Variants in ASAP2 observed in about 807,000 individuals in gnomAD.
ASAP2 encodes ArfGAP with SH3 domain, ankyrin repeat and PH domain 2.
Under a neutral mutation model 131.4 loss-of-function variants are expected in ASAP2, and 45 were observed. The ratio of observed to expected loss-of-function variants is 0.34; its 90% CI spans 0.27 to 0.44. The LOEUF (loss-of-function observed/expected upper bound fraction) is 0.44, where lower values mean the gene tolerates loss of function less well. Ranked by LOEUF, ASAP2 falls within the 20% of genes least tolerant of loss-of-function variation. The pLI is 1.00. For synonymous variants in ASAP2, 510 were observed against 503.0 expected (o/e 1.01, Z -0.19); for missense variants, 1,011 against 1,297.0 (o/e 0.78, Z 3.39).
chr2:9,398,394 C>G (rs1676356498), intron 24 of ASAP2, among the ~76,000 whole-genome samples: 1 of 151,876 alleles, frequency 6.6e-6, no homozygotes, highest in African/African-American at 2.4e-5. Context: ...ACCTGTAGTC[C>G]CAACTACTCA....
chr2:9,314,111 G>A (rs1186447399), intron 3 of ASAP2, among the ~76,000 whole-genome samples: 1 of 152,132 alleles, frequency 6.6e-6, no homozygotes, highest in East Asian at 1.9e-4. Context: ...AGCCTCCCGA[G>A]TAGCTAGGAT....
intron 1 of ASAP2, among the ~76,000 whole-genome samples, chr2:9,210,773 CGATGG>C (rs1313946413): frequency 6.6e-5 from 10 of 151,970 alleles, no homozygotes; most frequent in East Asian, 3.9e-4. Context: ...CCAGGATGGT[CGATGG>C]TCTAGATCTC....
Position 9,402,524 on chromosome 2 carries a change from C to T in ASAP2, c.2947-729C>T, listed in dbSNP as rs1676822351. On this transcript the variant is annotated intron_variant, in intron 27 of 27. Transcript: ENST00000281419. ...GTAATCCCAGCTACTCGGGAACCAG[C>T]CAGCTCCCACAGTTGCCCACAACCC... 2.0e-5 allele frequency among the ~76,000 whole-genome samples: 3 copies of T among 152,226 alleles called. No homozygotes were observed. In the South Asian group the frequency reaches 6.2e-4, roughly 32 times the overall value.
At chr2:9,361,974 CGTGTGTGTGTGTGTGTGTGT>C (rs70948815) in intron 15 of ASAP2, among the ~76,000 whole-genome samples, 2 of 143,172 alleles carry the variant, frequency 1.4e-5, no homozygotes, top group Admixed American at 7.0e-5. Flanking sequence ...TCTTTCTCTG[CGTGTGTGTGTGTGTGTGTGT>C]GTGTGTGTGT....
intron 1 of ASAP2, among the ~76,000 whole-genome samples, chr2:9,259,102 G>A (rs908364003): frequency 6.6e-6 from 1 of 152,240 alleles, no homozygotes; most frequent in African/African-American, 2.4e-5. Flanking sequence ...CGGAGGTTCA[G>A]CCTCTTCCCC....
chr2:9,380,925 C>A, intron 20 of ASAP2, 117 bp downstream of exon 20: 1 of 1,124,250 alleles, frequency 8.9e-7, no homozygotes, highest in Non-Finnish European at 1.3e-6. Context: ...CTCAGTGTTT[C>A]TGATGGGATG....
At chr2:9,334,990 C>T in intron 8 of ASAP2, 103 bp from the exon 9 acceptor site, 7 of 1,367,068 alleles carry the variant, frequency 5.1e-6, no homozygotes, top group Non-Finnish European at 7.2e-6. Flanking sequence ...GCGAGGGAGG[C>T]AGTTGTCGCA....
chr2:9,402,483 G>A (rs1185165278), intron 27 of ASAP2, among the ~76,000 whole-genome samples: 1 of 152,166 alleles, frequency 6.6e-6, no homozygotes, highest in Non-Finnish European at 1.5e-5. Context: ...TTAGCTAGGT[G>A]TGGTGGCAGG....
intron 1 of ASAP2, chr2:9,271,569 A>G (rs1666398555): frequency 6.5e-7 from 1 of 1,536,232 alleles, no homozygotes; most frequent in Non-Finnish European, 9.0e-7. Context: ...GAAGCAGGTC[A>G]TCACCCTTAC....
chr2:9,313,616 C>A (rs571509477), intron 3 of ASAP2, among the ~76,000 whole-genome samples: 1 of 152,254 alleles, frequency 6.6e-6, no homozygotes, highest in African/African-American at 2.4e-5. Context: ...TTCTTTCTTG[C>A]ACGTGCCTTG....
chr2:9,263,652 G>T (rs1283055986), intron 1 of ASAP2, among the ~76,000 whole-genome samples: 1 of 152,238 alleles, frequency 6.6e-6, no homozygotes, highest in Non-Finnish European at 1.5e-5. Flanking sequence ...GGGAGTGCCT[G>T]TGGGCGCTGC....
intron 7 of ASAP2, among the ~76,000 whole-genome samples, chr2:9,329,279 T>C (rs978361139): frequency 5.3e-5 from 8 of 152,220 alleles, no homozygotes; most frequent in African/African-American, 1.9e-4. Flanking sequence ...CAAAAGTTTT[T>C]AGATTTTATC....
At chr2:9,269,631 C>T (rs761926794) in intron 1 of ASAP2, among the ~76,000 whole-genome samples, 4 of 152,254 alleles carry the variant, frequency 2.6e-5, no homozygotes, top group Middle Eastern at 3.4e-3. Context: ...CGCCCTCAGG[C>T]GGTACAGTGG....
intron 24 of ASAP2, among the ~76,000 whole-genome samples, chr2:9,396,038 A>G (rs1314181635): frequency 1.3e-5 from 2 of 151,994 alleles, no homozygotes; most frequent in Non-Finnish European, 2.9e-5. Flanking sequence ...CCTCTCCAAG[A>G]ATAGAAGCTT....
chr2:9,220,744 A>G (rs1326582625), intron 1 of ASAP2, among the ~76,000 whole-genome samples: 2 of 152,232 alleles, frequency 1.3e-5, no homozygotes, highest in Non-Finnish European at 2.9e-5. Context: ...GTTGCATAAT[A>G]CAGTCACAAA....
At chr2:9,236,415 T>C (rs936427625) in intron 1 of ASAP2, among the ~76,000 whole-genome samples, 22 of 152,252 alleles carry the variant, frequency 1.4e-4, no homozygotes, top group South Asian at 4.1e-4. Flanking sequence ...TATTTTTTTC[T>C]GTTTTTTAAC....
chr2:9,332,841 A>T (rs1280865021), intron 7 of ASAP2, among the ~76,000 whole-genome samples: 1 of 152,258 alleles, frequency 6.6e-6, no homozygotes, highest in African/African-American at 2.4e-5. Flanking sequence ...GAATTAGATG[A>T]GTTCAGAAAC....
At chr2:9,274,967 G>A (rs564974845) in intron 1 of ASAP2, among the ~76,000 whole-genome samples, 1 of 152,230 alleles carries the variant, frequency 6.6e-6, no homozygotes, top group South Asian at 2.1e-4. Context: ...GACATAATAT[G>A]GGAGGAAATT....
chr2:9,330,729 G>A (rs1670777086), intron 7 of ASAP2, among the ~76,000 whole-genome samples: 1 of 152,152 alleles, frequency 6.6e-6, no homozygotes, highest in South Asian at 2.1e-4. Flanking sequence ...CTTCCTTGCT[G>A]ATATTTTATT....
Sources: gnomAD v4.1 joint callset for allele counts (sites outside exome capture counted in the v4.1 genomes callset) on GRCh38, gnomAD v4.1.1 for gene constraint, MANE v1.5 for transcripts, NCBI Gene and HGNC (gene_info 2026-07-23, HGNC 2026-07-21) for gene names.